Variants in PLCG2 observed in about 807,000 individuals in gnomAD.
The protein encoded by PLCG2 is 1-phosphatidylinositol 4,5-bisphosphate phosphodiesterase gamma-2.
PLCG2 carries 69 observed loss-of-function variants against 175.6 expected under a neutral mutation model. The observed-to-expected ratio is 0.39, with a 90% CI of 0.32 to 0.48. PLCG2 has a LOEUF of 0.48. Ranked by LOEUF, PLCG2 falls within the 20% of genes least tolerant of loss-of-function variation. The probability of loss-of-function intolerance (pLI) is 0.91; values close to 1 mark genes in which losing one functional copy is unlikely to be tolerated. For synonymous variants in PLCG2, 827 were observed against 624.0 expected (o/e 1.33, Z -4.85); for missense variants, 1,798 against 1,650.9 (o/e 1.09, Z -1.54).
chr16:81,956,649 G>C (rs1911579990), intron 31 of PLCG2, 46 bp from the exon 32 acceptor site: 1 of 1,547,612 alleles, frequency 6.5e-7, no homozygotes, highest in Non-Finnish European at 8.8e-7. Flanking sequence ...TTTTGGTTTG[G>C]AAGGTGTAGT....
At chr16:81,834,757 C>T (rs950051615) in intron 2 of PLCG2, among the ~76,000 whole-genome samples, 2 of 152,114 alleles carry the variant, frequency 1.3e-5, no homozygotes, top group African/African-American at 2.4e-5. Context: ...TACAAGGGCT[C>T]CCAGGACGAG....
chr16:81,952,182 T>A (rs769908213), intron 31 of PLCG2, among the ~76,000 whole-genome samples: 3 of 151,944 alleles, frequency 2.0e-5, no homozygotes, highest in African/African-American at 7.2e-5. Flanking sequence ...TGTGAACAAG[T>A]AGAAATTTAT....
chr16:81,803,133 TTG>T (rs1491415152), intron 2 of PLCG2, among the ~76,000 whole-genome samples: 15,766 of 139,070 alleles, frequency 0.11, 1,643 homozygotes, highest in East Asian at 0.61. Context: ...TTTTTTTTTT[TTG>T]TGAGACGGAA....
upstream of PLCG2, chr16:81,779,278 C>T (rs1910617829): frequency 6.6e-6 from 1 of 150,484 alleles, no homozygotes. Flanking sequence ...TGGCGCGGCG[C>T]CGCGGCCGAA....
chr16:81,747,189 G>C (rs1489613566), intron 1 of PLCG2, among the ~76,000 whole-genome samples: 1 of 152,130 alleles, frequency 6.6e-6, no homozygotes, highest in Non-Finnish European at 1.5e-5. Flanking sequence ...TCCCCCTCTA[G>C]GAATTTCTCC....
Position 81,891,580 on chromosome 16 carries a change from T to G in PLCG2, c.976T>G (p.Ser326Ala). Residue 326 changes from serine to alanine, a missense_variant, in exon 11 of 33, where the codon TCA becomes GCA. Transcript: ENST00000564138. ...NPLSHYWISS[S>A]HNTYLTGDQL... The stretch of plus-strand genomic sequence containing the variant: ...CCTGTCTCATTACTGGATCTCCTCG[T>G]CACATAACACGTGAGTTTCAGATGA... 1 of 1,576,162 alleles carries G rather than the reference T, an allele frequency of 6.3e-7. No individual in the cohort carries two copies. The highest frequency in any genetic ancestry group is 8.7e-7 in the Non-Finnish European group (1 of 1,145,752).
At chr16:81,900,513 G>A (rs553739114) in intron 13 of PLCG2, 99 bp from the exon 14 acceptor site, 24 of 1,094,502 alleles carry the variant, frequency 2.2e-5, no homozygotes, top group East Asian at 1.6e-4. Flanking sequence ...AGCAGCGCCC[G>A]GTTTCTGTCG....
intron 2 of PLCG2, among the ~76,000 whole-genome samples, chr16:81,768,792 C>T (rs1910210717): frequency 6.6e-6 from 1 of 151,996 alleles, no homozygotes; most frequent in Admixed American, 6.6e-5. Flanking sequence ...GTCTCCAGCT[C>T]CTGACCTCAG....
At chr16:81,817,969 G>C (rs1010995470) in intron 2 of PLCG2, among the ~76,000 whole-genome samples, 5 of 152,214 alleles carry the variant, frequency 3.3e-5, no homozygotes, top group Admixed American at 6.5e-5. Context: ...GGAGAAGACA[G>C]ATTCTGGGAG....
At chr16:81,937,954 G>A (rs375681558) in intron 28 of PLCG2, 51 bp downstream of exon 28, 21 of 1,592,272 alleles carry the variant, frequency 1.3e-5, no homozygotes, top group Non-Finnish European at 1.7e-5. Context: ...CCTCCCTGGG[G>A]GCTGGGCCGA....
At position 81,781,906 on chromosome 16, in the gene PLCG2, C is replaced by G. The variant is rs28463426; in HGVS notation, c.-48+2482C>G. Among the ~76,000 whole-genome samples the G allele has an allele frequency of 9.2e-3, 1,343 of 146,602 alleles. 22 individuals are homozygous for G. The highest frequency in any genetic ancestry group is 0.032 in the African/African-American group (1,280 of 40,092). ...CCCGCCCCCGAGACGGAGTCTTGCT[C>G]TGTCGCCCAGGCTGGAGTGCAGTGG... On this transcript the variant is annotated intron_variant, in intron 1 of 32. Coordinates refer to ENST00000564138, the MANE Select transcript of PLCG2 (RefSeq NM_002661.5).
chr16:81,813,632 C>T (rs1427026665), intron 2 of PLCG2, among the ~76,000 whole-genome samples: 1 of 152,230 alleles, frequency 6.6e-6, no homozygotes, highest in African/African-American at 2.4e-5. Context: ...TTGGGCAGAG[C>T]TCAGTCAGTG....
chr16:81,805,771 T>TGC (rs749338674), intron 2 of PLCG2, among the ~76,000 whole-genome samples: 1 of 87,880 alleles, frequency 1.1e-5, no homozygotes, highest in South Asian at 3.7e-4. Context: ...TGTTTTGTTT[T>TGC]TTTTTTTTTT....
At chr16:81,931,719 G>C in intron 25 of PLCG2, 65 bp downstream of exon 25, 1 of 1,465,266 alleles carries the variant, frequency 6.8e-7, no homozygotes, top group Non-Finnish European at 9.5e-7. Flanking sequence ...GCTCAGTTGG[G>C]ACTGTGGGTG....
intron 19 of PLCG2, among the ~76,000 whole-genome samples, chr16:81,917,482 T>C (rs950855659): frequency 5.9e-5 from 9 of 152,130 alleles, no homozygotes; most frequent in African/African-American, 2.2e-4. Flanking sequence ...CTGTTTTCCA[T>C]AGTGGCTATG....
At chr16:81,811,608 G>C (rs1295748989) in intron 2 of PLCG2, among the ~76,000 whole-genome samples, 1 of 152,098 alleles carries the variant, frequency 6.6e-6, no homozygotes, top group Non-Finnish European at 1.5e-5. Flanking sequence ...TTAAGAGTAA[G>C]AAAATGTGGT....
At chr16:81,744,454 C>T (rs62046366) in intron 1 of PLCG2, among the ~76,000 whole-genome samples, 81,287 of 151,504 alleles carry the variant, frequency 0.54, 22,962 homozygotes, top group Non-Finnish European at 0.63. Flanking sequence ...TGAGCCACCG[C>T]ACCCAGTCCC....
At chr16:81,947,226 A>T (rs983262199) in intron 31 of PLCG2, among the ~76,000 whole-genome samples, 5 of 152,204 alleles carry the variant, frequency 3.3e-5, no homozygotes, top group African/African-American at 1.2e-4. Flanking sequence ...GACTTCCTTG[A>T]TGAGGGAAGC....
intron 2 of PLCG2, among the ~76,000 whole-genome samples, chr16:81,825,012 A>G (rs1026744585): frequency 3.9e-5 from 6 of 152,226 alleles, no homozygotes; most frequent in African/African-American, 1.4e-4. Flanking sequence ...ACAAGCCAAG[A>G]AATGCAGGTG....
Sources: allele counts gnomAD v4.1 joint callset (sites outside exome capture counted in the v4.1 genomes callset), GRCh38; gene constraint gnomAD v4.1.1; transcripts MANE v1.5; gene names NCBI Gene and HGNC (gene_info 2026-07-23, HGNC 2026-07-21).